The following TMTC1 variants were observed in gnomAD, a reference collection of about 807,000 sequenced individuals.
TMTC1 encodes the protein protein O-mannosyl-transferase TMTC1.
A neutral mutation model predicts 104.8 loss-of-function variants in TMTC1; 73 were observed. That is an observed-to-expected ratio of 0.70 (90% CI 0.58 to 0.85). The LOEUF is 0.85. TMTC1 is among the 40% of genes least tolerant of loss of function. The pLI is 0.00. For synonymous variants in TMTC1, 434 were observed against 428.7 expected, an observed-to-expected ratio of 1.01 and a Z score of -0.15; for missense variants, 1,035 against 1,096.1, an observed-to-expected ratio of 0.94 and a Z score of 0.79.
intron 8 of TMTC1, among the ~76,000 whole-genome samples, chr12:29,579,187 A>G (rs1565684400): frequency 6.6e-6 from 1 of 152,176 alleles, no homozygotes; most frequent in Non-Finnish European, 1.5e-5. Flanking sequence ...CAGTACCATA[A>G]GACCAAAGTA....
intron 9 of TMTC1, among the ~76,000 whole-genome samples, chr12:29,567,394 C>T (rs1945545893): frequency 6.8e-6 from 1 of 146,758 alleles, no homozygotes; most frequent in South Asian, 2.1e-4. Flanking sequence ...GACTTAAATT[C>T]GTTTTTTTTT....
chr12:29,735,197 G>A (rs933415434), intron 5 of TMTC1, among the ~76,000 whole-genome samples: 4 of 152,102 alleles, frequency 2.6e-5, no homozygotes, highest in Non-Finnish European at 2.9e-5. Flanking sequence ...TCCTTAAACT[G>A]ATCACTTTTT....
At chr12:29,710,982 T>A (rs1941909270) in intron 5 of TMTC1, among the ~76,000 whole-genome samples, 1 of 56,440 alleles carries the variant, frequency 1.8e-5, no homozygotes, top group African/African-American at 4.3e-5. Flanking sequence ...TATAAATATA[T>A]ATATATTTTT....
chr12:29,566,203 G>A (rs1016633833), intron 9 of TMTC1, among the ~76,000 whole-genome samples: 2 of 152,146 alleles, frequency 1.3e-5, no homozygotes, highest in African/African-American at 4.8e-5. Context: ...TGAGGTAAGG[G>A]GGGAAGGGTT....
intron 5 of TMTC1, among the ~76,000 whole-genome samples, chr12:29,687,056 G>T (rs1444022462): frequency 6.6e-6 from 1 of 152,074 alleles, no homozygotes; most frequent in East Asian, 1.9e-4. Context: ...AAGAGATATT[G>T]GGATTAGAAA....
chr12:29,656,941 C>CA (rs1251957103), intron 5 of TMTC1, among the ~76,000 whole-genome samples: 1 of 152,180 alleles, frequency 6.6e-6, no homozygotes, highest in East Asian at 1.9e-4. Flanking sequence ...AGCTGTGAGT[C>CA]AGATATCAGC....
intron 5 of TMTC1, among the ~76,000 whole-genome samples, chr12:29,738,782 G>A (rs775770834): frequency 1.1e-4 from 17 of 152,168 alleles, no homozygotes; most frequent in Non-Finnish European, 2.1e-4. Flanking sequence ...ATCATCAATT[G>A]AGAAGGCTCA....
In TMTC1 at chr12:29,652,680, G is replaced by A. The variant is rs185496608; in HGVS notation, c.939-19344C>T. ...CTGCCAAAGATACAAAGAAAGATAA[G>A]ATATGGTTTCTGCCCTTGAGAAATT... is the stretch of plus-strand genomic sequence containing the variant. On this transcript the variant is annotated intron_variant, in intron 5 of 17. Coordinates refer to ENST00000539277, the MANE Select transcript of TMTC1 (RefSeq NM_001193451.2). Among the ~76,000 whole-genome samples, 15 of 152,292 alleles carry A rather than the reference G, an allele frequency of 9.8e-5. No individual in the cohort carries two copies. The East Asian group carries it at 2.9e-3, about 29-fold the overall frequency.
intron 5 of TMTC1, among the ~76,000 whole-genome samples, chr12:29,694,658 G>C (rs769682406): frequency 6.6e-6 from 1 of 152,064 alleles, no homozygotes; most frequent in African/African-American, 2.4e-5. Flanking sequence ...TGCAACAAGC[G>C]GCTGGGTGTG....
At chr12:29,774,025 A>AGT (rs10590084) in intron 1 of TMTC1, among the ~76,000 whole-genome samples, 151 of 151,280 alleles carry the variant, frequency 1.0e-3, no homozygotes, top group African/African-American at 3.4e-3. Context: ...TGGAGACATG[A>AGT]GTGTGTGTGT....
chr12:29,681,389 ATT>A (rs1940914138), intron 5 of TMTC1, among the ~76,000 whole-genome samples: 1 of 152,208 alleles, frequency 6.6e-6, no homozygotes, highest in African/African-American at 2.4e-5. Context: ...TAGAATTAGA[ATT>A]TCAGTTTTTC....
At chr12:29,643,553 G>A (rs1313044518) in intron 5 of TMTC1, among the ~76,000 whole-genome samples, 4 of 63,692 alleles carry the variant, frequency 6.3e-5, no homozygotes, top group Non-Finnish European at 8.3e-5. Context: ...TCACATATAT[G>A]TTATATATTA....
intron 5 of TMTC1, among the ~76,000 whole-genome samples, chr12:29,675,729 T>G (rs35363733): frequency 6.6e-6 from 1 of 152,198 alleles, no homozygotes; most frequent in Non-Finnish European, 1.5e-5. Context: ...TTGTTAATTC[T>G]GAAAACATGA....
chr12:29,609,641 G>A (rs1260071007), intron 6 of TMTC1, among the ~76,000 whole-genome samples: 1 of 152,264 alleles, frequency 6.6e-6, no homozygotes, highest in Admixed American at 6.5e-5. Flanking sequence ...TCTGATGGAT[G>A]GGGAACTGAC....
intron 5 of TMTC1, among the ~76,000 whole-genome samples, chr12:29,714,015 G>A (rs1279534495): frequency 1.3e-5 from 2 of 152,040 alleles, no homozygotes; most frequent in Non-Finnish European, 2.9e-5. Context: ...CTCACCGGAG[G>A]GCACAGTGTT....
At chr12:29,515,962 CT>C (rs1257940331) in intron 15 of TMTC1, among the ~76,000 whole-genome samples, 3 of 151,400 alleles carry the variant, frequency 2.0e-5, no homozygotes, top group Non-Finnish European at 2.9e-5. Flanking sequence ...ATATATTCCT[CT>C]TCTATATTGT....
intron 5 of TMTC1, among the ~76,000 whole-genome samples, chr12:29,679,164 T>C (rs1385799159): frequency 6.6e-6 from 1 of 152,116 alleles, no homozygotes; most frequent in East Asian, 1.9e-4. Flanking sequence ...TCATTATATA[T>C]TACTAACAAA....
At chr12:29,609,595 C>T (rs1360086435) in intron 6 of TMTC1, among the ~76,000 whole-genome samples, 1 of 152,236 alleles carries the variant, frequency 6.6e-6, no homozygotes, top group Non-Finnish European at 1.5e-5. Context: ...CTTATGTCTA[C>T]TGAGGCTATC....
chr12:29,603,640 TTCAAACATTCAGAGC>T (rs1178523514), intron 7 of TMTC1, among the ~76,000 whole-genome samples: 1 of 152,110 alleles, frequency 6.6e-6, no homozygotes, highest in East Asian at 1.9e-4. Flanking sequence ...TTCAGCACAG[TTCAAACATTCAGAGC>T]TAAGTGGCAT....
Sources: allele counts gnomAD v4.1 joint callset (sites outside exome capture counted in the v4.1 genomes callset), GRCh38; gene constraint gnomAD v4.1.1; transcripts MANE v1.5; gene names NCBI Gene and HGNC (gene_info 2026-07-23, HGNC 2026-07-21).